Variants in CDH13 observed in about 807,000 individuals in gnomAD.
CDH13 encodes cadherin 13, also known as cadherin-13.
In CDH13, 24 loss-of-function variants were observed where a neutral mutation model predicts 63.8. The observed-to-expected ratio is 0.38, with a 90% CI of 0.27 to 0.53. The LOEUF (loss-of-function observed/expected upper bound fraction) is 0.53. CDH13 is among the 20% of genes least tolerant of loss of function. The pLI, the probability that CDH13 is intolerant of heterozygous loss-of-function variation, is 0.85. For synonymous variants in CDH13, 503 were observed against 355.3 expected, an observed-to-expected ratio of 1.42 and a Z score of -4.67; for missense variants, 1,049 against 903.1, an observed-to-expected ratio of 1.16 and a Z score of -2.07.
At chr16:83,437,355 G>A (rs576360097) in intron 6 of CDH13, among the ~76,000 whole-genome samples, 1 of 152,252 alleles carries the variant, frequency 6.6e-6, no homozygotes, top group African/African-American at 2.4e-5. Context: ...AACGTACTCA[G>A]CTTAATAATG....
Position 83,617,126 on chromosome 16 carries a change from C to T in CDH13, c.1101+14532C>T, listed in dbSNP as rs74446681. 6.2e-3 allele frequency among the ~76,000 whole-genome samples: 949 copies of T among 152,258 alleles called. 6 individuals are homozygous for T. The highest frequency in any genetic ancestry group is 0.021 in the African/African-American group (876 of 41,564). ...GGACTCACAACCCCTCTCCCTAATCCGCTTGGAATGCTTTGCTCTTTAAGC... is the reference window on the plus strand; with the variant it reads ...GGACTCACAACCCCTCTCCCTAATCTGCTTGGAATGCTTTGCTCTTTAAGC... On this transcript the variant is annotated intron_variant, in intron 8 of 13. Transcript: ENST00000567109.
At chr16:83,491,801 C>G (rs796735003) in intron 7 of CDH13, among the ~76,000 whole-genome samples, 12 of 152,182 alleles carry the variant, frequency 7.9e-5, no homozygotes, top group African/African-American at 2.6e-4. Flanking sequence ...GATATTAGGG[C>G]TGTGAATGTA....
At chr16:83,186,941 C>G (rs111411693) in intron 4 of CDH13, among the ~76,000 whole-genome samples, 1,861 of 152,122 alleles carry the variant, frequency 0.012, 27 homozygotes, top group African/African-American at 0.041. Flanking sequence ...AAAATTGTAA[C>G]CTATTTTATG....
rs148328682 is a variant in CDH13 at position 82,719,274 on chromosome 16, C to T, written c.45+92137C>T. ...CATTGGCCTGTAATATAATTTTGGC[C>T]TGAGTCTATCTGGGACAGGTGGTGT... On this transcript the variant is annotated intron_variant, in intron 1 of 13. Transcript: ENST00000567109. 111 of 419,442 alleles carry T rather than the reference C, an allele frequency of 2.6e-4. No homozygotes were observed. In the Middle Eastern group the frequency reaches 2.7e-3, roughly 10 times the overall value. 26.0% of individuals were successfully genotyped at this position (419,442 alleles called of 1,614,324 possible).
At chr16:82,698,785 A>C (rs2030644812) in intron 1 of CDH13, among the ~76,000 whole-genome samples, 1 of 152,236 alleles carries the variant, frequency 6.6e-6, no homozygotes, top group Admixed American at 6.5e-5. Context: ...CCAAAGAAAT[A>C]GCTAGTTTTT....
intron 8 of CDH13, among the ~76,000 whole-genome samples, chr16:83,654,481 G>A (rs943729773): frequency 2.6e-5 from 4 of 152,098 alleles, no homozygotes; most frequent in African/African-American, 9.6e-5. Flanking sequence ...ACCCAACAAG[G>A]CAGCTTTGCA....
At chr16:82,976,206 C>T (rs1419565093) in intron 2 of CDH13, among the ~76,000 whole-genome samples, 1 of 152,198 alleles carries the variant, frequency 6.6e-6, no homozygotes, top group African/African-American at 2.4e-5. Flanking sequence ...AGAGTGGGTA[C>T]ACCAGGGGGC....
chr16:82,791,817 C>T (rs569119863), intron 1 of CDH13, among the ~76,000 whole-genome samples: 55 of 152,290 alleles, frequency 3.6e-4, no homozygotes, highest in Non-Finnish European at 6.9e-4. Flanking sequence ...CTGTGACCCA[C>T]GGCTTCTAAT....
At chr16:82,965,986 T>A (rs1472859436) in intron 2 of CDH13, among the ~76,000 whole-genome samples, 6 of 152,186 alleles carry the variant, frequency 3.9e-5, no homozygotes, top group Non-Finnish European at 7.3e-5. Flanking sequence ...AATATCCCTG[T>A]CAGCCAATCA....
Position 83,353,719 on chromosome 16 carries a change from G to C in CDH13, c.781+8713G>C, listed in dbSNP as rs147083527. 5.0e-3 allele frequency among the ~76,000 whole-genome samples: 765 copies of C among 152,256 alleles called. 6 individuals are homozygous for C. Among genetic ancestry groups the C allele is most frequent in the Middle Eastern group, 0.017 (5 of 292 alleles). ...TCTCTAACCATGAAGTCTTATTCCT[G>C]GACTAGCCTATGTATCTGCCTCTCC... On this transcript the variant is annotated intron_variant, in intron 6 of 13. Transcript: ENST00000567109.
At chr16:83,243,293 A>T (rs914370534) in intron 5 of CDH13, among the ~76,000 whole-genome samples, 5 of 152,202 alleles carry the variant, frequency 3.3e-5, no homozygotes, top group Non-Finnish European at 1.5e-5. Context: ...ACAGTTCCTC[A>T]TGGCTGGAGA....
At chr16:83,631,964 T>C (rs1357100786) in intron 8 of CDH13, among the ~76,000 whole-genome samples, 1 of 152,222 alleles carries the variant, frequency 6.6e-6, no homozygotes, top group Non-Finnish European at 1.5e-5. Flanking sequence ...ACTGTCCATA[T>C]GACAAGCCTG....
intron 3 of CDH13, among the ~76,000 whole-genome samples, chr16:83,091,876 G>C (rs1353856609): frequency 6.6e-6 from 1 of 152,178 alleles, no homozygotes. Context: ...CAAAGGGTTT[G>C]AAGCAGTGAT....
At chr16:83,682,702 C>A in intron 10 of CDH13, among the ~76,000 whole-genome samples, 1 of 152,176 alleles carries the variant, frequency 6.6e-6, no homozygotes, top group Non-Finnish European at 1.5e-5. Flanking sequence ...TGCTCTGTCT[C>A]TTTTTCTCTC....
chr16:82,667,271 A>G (rs1339653421), intron 1 of CDH13, among the ~76,000 whole-genome samples: 1 of 152,164 alleles, frequency 6.6e-6, no homozygotes, highest in Non-Finnish European at 1.5e-5. Context: ...TTAGGGAGAC[A>G]ATTCCAGAGA....
intron 11 of CDH13, among the ~76,000 whole-genome samples, chr16:83,749,320 C>G (rs1912882348): frequency 1.3e-5 from 2 of 152,126 alleles, no homozygotes; most frequent in Admixed American, 6.5e-5. Flanking sequence ...AGTGAGCAAT[C>G]CATGTGACAC....
chr16:83,354,890 C>A (rs2091023288), intron 6 of CDH13, among the ~76,000 whole-genome samples: 1 of 152,208 alleles, frequency 6.6e-6, no homozygotes, highest in South Asian at 2.1e-4. Context: ...CCCCTTCATT[C>A]ATGTATTGAC....
intron 7 of CDH13, among the ~76,000 whole-genome samples, chr16:83,562,983 A>C (rs1057002198): frequency 6.6e-6 from 1 of 152,214 alleles, no homozygotes; most frequent in Non-Finnish European, 1.5e-5. Flanking sequence ...CCCTTTGGAT[A>C]AGTCCCCTTT....
chr16:83,751,284 C>T (rs1474809615), intron 11 of CDH13, among the ~76,000 whole-genome samples: 2 of 152,126 alleles, frequency 1.3e-5, no homozygotes, highest in African/African-American at 4.8e-5. Flanking sequence ...TCACTTGCCT[C>T]CAGAATAAAC....
Sources: gnomAD v4.1 joint callset for allele counts (sites outside exome capture counted in the v4.1 genomes callset) on GRCh38, gnomAD v4.1.1 for gene constraint, MANE v1.5 for transcripts, NCBI Gene and HGNC (gene_info 2026-07-23, HGNC 2026-07-21) for gene names.